The following MLPH variants were observed in gnomAD, a reference collection of about 807,000 sequenced individuals.
MLPH encodes the protein exophilin-3.
A neutral mutation model predicts 72.1 loss-of-function variants in MLPH; 51 were observed. The observed-to-expected ratio is 0.71, with a 90% CI of 0.56 to 0.89. The LOEUF (loss-of-function observed/expected upper bound fraction) is 0.89, where lower values mean the gene tolerates loss of function less well. Among genes scored for constraint, MLPH ranks in the 40% least tolerant of loss-of-function variants. The pLI, the probability that MLPH is intolerant of heterozygous loss-of-function variation, is 0.00. For synonymous variants in MLPH, 301 were observed against 310.1 expected, an observed-to-expected ratio of 0.97 and a Z score of 0.31; for missense variants, 743 against 759.9, an observed-to-expected ratio of 0.98 and a Z score of 0.26.
chr2:237,549,794 T>G (rs550345989), intron 14 of MLPH, among the ~76,000 whole-genome samples: 3 of 152,238 alleles, frequency 2.0e-5, no homozygotes, highest in Non-Finnish European at 1.5e-5. Flanking sequence ...GTCCCGTCCC[T>G]CTGCTGTCGA....
Position 237,549,232 on chromosome 2 carries a change from G to A in MLPH, c.1629G>A (p.Val543=), listed in dbSNP as rs2080983318. ...DPSSEAKAMA[V]PYLLRRKFSN... ...TCTGTTTCTTCTAGGCAATGGCTGT[G>A]CCCTATCTTCTGAGAAGAAAGTTCA... is the stretch of plus-strand genomic sequence containing the variant. Residue 543 remains valine (V), a synonymous_variant, in exon 14 of 16, where the codon GTG becomes GTA. Coordinates refer to ENST00000264605, the MANE Select transcript of MLPH (RefSeq NM_024101.7). 1 of 1,614,020 alleles carries A rather than the reference G, an allele frequency of 6.2e-7. No individual in the cohort carries two copies. Among genetic ancestry groups the A allele is most frequent in the African/African-American group, 1.3e-5 (1 of 74,920 alleles).
At position 237,510,420 on chromosome 2, in the gene MLPH, C is replaced by T; in HGVS notation, c.111-154C>T. 1.2e-6 allele frequency: 1 copy of T among 827,470 alleles called. No homozygotes were observed. The highest frequency in any genetic ancestry group is 2.0e-6 in the Non-Finnish European group (1 of 494,194). 51.3% of individuals were successfully genotyped at this position (827,470 alleles called of 1,614,324 possible). ...AACAAAGATGCCTGTGTGGCTTTGC[C>T]CAACGTTGGGTCACTGTTTTCTGCA... On this transcript the variant is annotated intron_variant, in intron 2 of 15. Coordinates refer to ENST00000264605, the MANE Select transcript of MLPH (RefSeq NM_024101.7). This position sits in a 1 kb window ranked among gnomAD's most constrained non-coding sequence, Gnocchi z 4.4.
Position 237,510,445 on chromosome 2 carries a change from A to G in MLPH, c.111-129A>G, listed in dbSNP as rs933982771. The G allele has an allele frequency of 2.1e-6, 2 of 956,454 alleles. No individual in the cohort carries two copies. The highest frequency in any genetic ancestry group is 3.3e-6 in the Non-Finnish European group (2 of 606,898). The allele number at this position is 956,454 out of a possible 1,614,324, so 59.2% of individuals were successfully genotyped here. Reference sequence around the variant, plus strand: ...CCAACGTTGGGTCACTGTTTTCTGCATAGGAGACAGTTACTGTGTGTGTGT... The same window carrying G: ...CCAACGTTGGGTCACTGTTTTCTGCGTAGGAGACAGTTACTGTGTGTGTGT... On this transcript the variant is annotated intron_variant, in intron 2 of 15. Coordinates refer to ENST00000264605, the MANE Select transcript of MLPH (RefSeq NM_024101.7). The surrounding 1 kb of genome is among the most constrained non-coding windows in gnomAD (Gnocchi z 4.4).
At chr2:237,529,235 G>A (rs2080370012) in intron 8 of MLPH, among the ~76,000 whole-genome samples, 1 of 152,068 alleles carries the variant, frequency 6.6e-6, no homozygotes, top group African/African-American at 2.4e-5. Flanking sequence ...TAGAGATGGG[G>A]TTTCACCATG....
chr2:237,539,867 C>G (rs1421333448), intron 9 of MLPH, among the ~76,000 whole-genome samples: 2 of 152,174 alleles, frequency 1.3e-5, no homozygotes, highest in African/African-American at 4.8e-5. Flanking sequence ...CAGTGTGCCC[C>G]AGAGGAGTGT....
At chr2:237,553,122 G>A (rs994798364) in intron 15 of MLPH, 2 of 472,842 alleles carry the variant, frequency 4.2e-6, no homozygotes, top group African/African-American at 4.0e-5. Context: ...CAACCAATGT[G>A]ATCAGTCGCA....
Position 237,540,790 on chromosome 2 carries a change from T to C in MLPH, c.1291-12T>C, listed in dbSNP as rs1402241969. ...CCTGCTGCTGGTCAGCCTCCGTCCTTCTCTTTCCTAGGTGGGCACGGCTGC... is the reference window on the plus strand; with the variant it reads ...CCTGCTGCTGGTCAGCCTCCGTCCTCCTCTTTCCTAGGTGGGCACGGCTGC... On this transcript the variant is annotated splice_polypyrimidine_tract_variant and intron_variant, in intron 10 of 15. Transcript: ENST00000264605. The C allele has an allele frequency of 6.2e-7, 1 of 1,612,638 alleles. No homozygotes were observed.
chr2:237,540,705 G>T, intron 10 of MLPH, 97 bp from the exon 11 acceptor site: 2 of 1,544,662 alleles, frequency 1.3e-6, no homozygotes, highest in Non-Finnish European at 1.8e-6. Flanking sequence ...AGCTCCCAGG[G>T]TTCAGAGAGG....
intron 7 of MLPH, 129 bp from the exon 8 acceptor site, chr2:237,527,248 C>T (rs1182662208): frequency 3.4e-6 from 4 of 1,171,452 alleles, no homozygotes; most frequent in Non-Finnish European, 5.0e-6. Flanking sequence ...TTTGGAACCT[C>T]AGCCCTGTAA....
chr2:237,496,092 G>A (rs2079530755), intron 2 of MLPH, among the ~76,000 whole-genome samples: 1 of 152,216 alleles, frequency 6.6e-6, no homozygotes, highest in African/African-American at 2.4e-5. Flanking sequence ...GCAGAACATC[G>A]TTCTCATTAG....
rs561234241 is a variant in MLPH, at chr2:237,510,901, G to A, written c.333-88G>A. 119 of 469,436 alleles carry A rather than the reference G, an allele frequency of 2.5e-4. No individual in the cohort carries two copies. The East Asian group carries it at 3.0e-3, about 12-fold the overall frequency. The allele number at this position is 469,436 out of a possible 1,614,324, so 29.1% of individuals were successfully genotyped here. On this transcript the variant is annotated intron_variant, in intron 3 of 15. Transcript: ENST00000264605. The surrounding 1 kb of genome is among the most constrained non-coding windows in gnomAD (Gnocchi z 4.4). ...GGTGGACGCACACATGCACACACTC[G>A]TGTGTGTGTGTGTGTGTGTGTGTGA...
chr2:237,545,746 G>A, intron 12 of MLPH: 1 of 975,048 alleles, frequency 1.0e-6, no homozygotes, highest in Non-Finnish European at 1.3e-6. Flanking sequence ...GACCTTAGGA[G>A]AGTCCCAGAT....
rs1483744040 is a variant in MLPH, at chr2:237,511,059, G to A, written c.403G>A (p.Ala135Thr). The A allele has an allele frequency of 6.2e-7, 1 of 1,614,024 alleles. No homozygotes were observed. Among genetic ancestry groups the A allele is most frequent in the East Asian group, 2.2e-5 (1 of 44,872 alleles). ...VKARFKRFGS[A>T]KVIRSLHGRL... The stretch of plus-strand genomic sequence containing the variant: ...AGCCCGCTTCAAGAGGTTCGGAAGT[G>A]CCAAGGTCATCCGGTCCCTCCACGG... Residue 135 changes from alanine (A) to threonine (T), a missense_variant, in exon 4 of 16, where the codon GCC (alanine) becomes ACC (threonine). By Grantham distance (58) the Ala-to-Thr change is moderately conservative (BLOSUM62 0). Transcript: ENST00000264605.
chr2:237,494,270 G>T (rs1211689802), intron 2 of MLPH, among the ~76,000 whole-genome samples: 2 of 152,168 alleles, frequency 1.3e-5, no homozygotes, highest in Admixed American at 1.3e-4. Flanking sequence ...AGAGGCCAGA[G>T]AGTGGAGGGC....
intron 12 of MLPH, chr2:237,545,509 ACC>A (rs139727526): frequency 0.11 from 145,203 of 1,288,808 alleles, 8,789 homozygotes; most frequent in Non-Finnish European, 0.13. Flanking sequence ...AAACACACAC[ACC>A]CTGACAGTGT....
At chr2:237,518,220 T>G in intron 4 of MLPH, 1 of 440,806 alleles carries the variant, frequency 2.3e-6, no homozygotes, top group Non-Finnish European at 4.3e-6. Flanking sequence ...GGGTGGAGGA[T>G]AGATAGGTGG....
intron 4 of MLPH, among the ~76,000 whole-genome samples, chr2:237,516,885 T>C (rs1480993894): frequency 2.2e-5 from 2 of 92,034 alleles, no homozygotes; most frequent in African/African-American, 8.4e-5. Context: ...GGATGGATGG[T>C]AGGATGGATG....
chr2:237,493,424 G>C lies in MLPH; in HGVS notation c.-3G>C. On this transcript the variant is annotated 5_prime_UTR_variant, in exon 2 of 16. Coordinates refer to ENST00000264605, the MANE Select transcript of MLPH (RefSeq NM_024101.7). ...CCAGGTGTGACCCCGACAAGAAGCA[G>C]AAATGGGGAAGAAACTGGATCTTTC... 3 of 1,613,360 alleles carry C rather than the reference G, an allele frequency of 1.9e-6. No homozygotes were observed. Among genetic ancestry groups the C allele is most frequent in the Non-Finnish European group, 1.7e-6 (2 of 1,179,364 alleles).
At position 237,512,998 on chromosome 2, in the gene MLPH, C is replaced by G. The variant is rs902850432; in HGVS notation, c.445+1897C>G. Among the ~76,000 whole-genome samples the G allele has an allele frequency of 1.3e-5, 2 of 152,128 alleles. No individual in the cohort carries two copies. The highest frequency in any genetic ancestry group is 2.4e-5 in the African/African-American group (1 of 41,492). ...TGAACTTGGATTCCCAGCAGCTCCCCCAAGCGCCCACAGGGGCTGCATTCC... is the reference window on the plus strand; with the variant it reads ...TGAACTTGGATTCCCAGCAGCTCCCGCAAGCGCCCACAGGGGCTGCATTCC... On this transcript the variant is annotated intron_variant, in intron 4 of 15. Transcript: ENST00000264605. This position sits in a 1 kb window ranked among gnomAD's most constrained non-coding sequence, Gnocchi z 5.5.
Sources: allele counts gnomAD v4.1 joint callset (sites outside exome capture counted in the v4.1 genomes callset), GRCh38; gene constraint gnomAD v4.1.1; non-coding constraint Gnocchi (gnomAD v3.1); transcripts MANE v1.5; gene names NCBI Gene and HGNC (gene_info 2026-07-23, HGNC 2026-07-21).